SMARCA2: variants seen among roughly 807,000 people sequenced by gnomAD.
The protein encoded by SMARCA2 is SWI/SNF-related matrix-associated actin-dependent regulator of chromatin subfamily A member 2.
SMARCA2 carries 61 observed loss-of-function variants against 199.8 expected under a neutral mutation model. The ratio of observed to expected loss-of-function variants is 0.31; its 90% CI spans 0.25 to 0.38. SMARCA2 has a LOEUF of 0.38. Among genes scored for constraint, SMARCA2 ranks in the 10% least tolerant of loss-of-function variants. SMARCA2 has a pLI of 1.00. For synonymous variants in SMARCA2, 935 were observed against 732.0 expected (o/e 1.28, Z -4.48); for missense variants, 1,344 against 2,012.2 (o/e 0.67, Z 6.35).
rs118112220 is a variant in SMARCA2 at position 2,058,888 on chromosome 9, G to A, written c.1521+424G>A. Among the ~76,000 whole-genome samples the A allele has an allele frequency of 6.8e-3, 1,031 of 152,292 alleles. 4 individuals are homozygous for A. The highest frequency in any genetic ancestry group is 0.012 in the Non-Finnish European group (813 of 68,006). ...TGTCTTCAAATCTAAGAAGGTCTGTGTTTTGAAGCCTCTGGTGCTTATCTT... is the reference window on the plus strand; with the variant it reads ...TGTCTTCAAATCTAAGAAGGTCTGTATTTTGAAGCCTCTGGTGCTTATCTT... On this transcript the variant is annotated intron_variant, in intron 8 of 33. Transcript: ENST00000349721.
intron 31 of SMARCA2, among the ~76,000 whole-genome samples, chr9:2,184,778 G>A (rs1028305740): frequency 2.0e-5 from 3 of 151,962 alleles, no homozygotes; most frequent in Non-Finnish European, 2.9e-5. Context: ...CACCGCTGAA[G>A]GAATTCTTCT....
chr9:2,161,264 C>T lies in SMARCA2; in HGVS notation c.3982-422C>T, dbSNP rs923551367. 6.6e-6 allele frequency among the ~76,000 whole-genome samples: 1 copy of T among 152,104 alleles called. No homozygotes were observed. The highest frequency in any genetic ancestry group is 2.4e-5 in the African/African-American group (1 of 41,440). On this transcript the variant is annotated intron_variant, in intron 27 of 33. Transcript: ENST00000349721. The surrounding 1 kb of genome is among the most constrained non-coding windows in gnomAD (Gnocchi z 4.7). ...GCTTATATGATCGTGTGGATGTATTCTTAGGGATTGTTTTTTCATAACCCA... is the reference window on the plus strand; with the variant it reads ...GCTTATATGATCGTGTGGATGTATTTTTAGGGATTGTTTTTTCATAACCCA...
chr9:2,050,580 A>G (rs911559910), intron 5 of SMARCA2, among the ~76,000 whole-genome samples: 2 of 151,810 alleles, frequency 1.3e-5, no homozygotes, highest in African/African-American at 4.8e-5. Flanking sequence ...AAAGAGCGGT[A>G]TATCCTCTTT....
In SMARCA2 at chr9:2,115,706, T is replaced by TA. The variant is rs1217079984; in HGVS notation, c.3457-115dup. The TA allele has an allele frequency of 5.2e-6, 4 of 763,486 alleles. No homozygotes were observed. Among genetic ancestry groups the TA allele is most frequent in the Non-Finnish European group, 2.1e-6 (1 of 468,736 alleles). 47.3% of individuals were successfully genotyped at this position (763,486 alleles called of 1,614,324 possible). A position where few individuals can be genotyped will look rare whatever the true frequency, so the allele number is the denominator to read the frequency against. Reference sequence around the variant, plus strand: ...TGTTTTTAAAATGTAGGCAAAATCTTACCTTAGTGAAGGTGAAATACAGAA... The same window carrying TA: ...TGTTTTTAAAATGTAGGCAAAATCTTAACCTTAGTGAAGGTGAAATACAGAA... On this transcript the variant is annotated intron_variant, in intron 24 of 33. Coordinates refer to ENST00000349721, the MANE Select transcript of SMARCA2 (RefSeq NM_003070.5). This position sits in a 1 kb window ranked among gnomAD's most constrained non-coding sequence, Gnocchi z 6.0.
chr9:2,141,727 A>G (rs1291819019), intron 27 of SMARCA2, among the ~76,000 whole-genome samples: 3 of 152,146 alleles, frequency 2.0e-5, no homozygotes, highest in Non-Finnish European at 4.4e-5. Flanking sequence ...CATCCAAGCC[A>G]TCTATGCAAG....
chr9:2,124,932 G>A (rs1161172043), intron 27 of SMARCA2, among the ~76,000 whole-genome samples: 1 of 152,188 alleles, frequency 6.6e-6, no homozygotes, highest in African/African-American at 2.4e-5. Flanking sequence ...AATAGTAAGT[G>A]TAGTTGGGTA....
At chr9:2,124,006 C>T in intron 27 of SMARCA2, 69 bp downstream of exon 27, 8 of 1,285,416 alleles carry the variant, frequency 6.2e-6, no homozygotes, top group South Asian at 1.3e-5. Context: ...AAACCAGGGG[C>T]CTAGAGCTGG....
intron 29 of SMARCA2, among the ~76,000 whole-genome samples, chr9:2,180,062 A>G (rs1826908328): frequency 6.6e-6 from 1 of 152,216 alleles, no homozygotes; most frequent in Non-Finnish European, 1.5e-5. Flanking sequence ...AAGTTAGGGA[A>G]GGACGAACGC....
rs545102398 is a variant in SMARCA2 at position 2,139,895 on chromosome 9, T to A, written c.3981+15958T>A. On this transcript the variant is annotated intron_variant, in intron 27 of 33. Coordinates refer to ENST00000349721, the MANE Select transcript of SMARCA2 (RefSeq NM_003070.5). The stretch of plus-strand genomic sequence containing the variant: ...GCTTTCATTAGTTTTACAAAGGTTG[T>A]TTAGTTTTGGGAAGGGCTATTATCA... Among the ~76,000 whole-genome samples the A allele has an allele frequency of 9.2e-5, 14 of 152,318 alleles. 1 individual carries two copies. In the South Asian group the frequency reaches 2.9e-3, roughly 32 times the overall value.
Position 2,056,553 on chromosome 9 carries a change from A to G in SMARCA2, c.1174-119A>G. On this transcript the variant is annotated intron_variant, in intron 6 of 33. Transcript: ENST00000349721. This position sits in a 1 kb window ranked among gnomAD's most constrained non-coding sequence, Gnocchi z 4.0. The stretch of plus-strand genomic sequence containing the variant: ...ATTTAATACAAACCAAAGGTGATTG[A>G]GAAGCTTGTGGAGATTCCCCGCCCC... 1.2e-6 allele frequency: 1 copy of G among 818,164 alleles called. No individual in the cohort carries two copies. 50.7% of individuals were successfully genotyped at this position (818,164 alleles called of 1,614,324 possible).
chr9:2,174,929 A>ATCTC (rs1826467295), intron 29 of SMARCA2, among the ~76,000 whole-genome samples: 1 of 22,334 alleles, frequency 4.5e-5, no homozygotes, highest in Admixed American at 6.6e-4. Flanking sequence ...TCTCTCAAAA[A>ATCTC]AAAAAAAAAA....
intron 26 of SMARCA2, among the ~76,000 whole-genome samples, chr9:2,122,816 G>C (rs770079176): frequency 1.3e-5 from 2 of 152,174 alleles, no homozygotes; most frequent in Non-Finnish European, 2.9e-5. Context: ...GACACATCTC[G>C]CTAGTGTTTA....
intron 27 of SMARCA2, among the ~76,000 whole-genome samples, chr9:2,148,970 A>G (rs567785593): frequency 6.6e-6 from 1 of 151,766 alleles, no homozygotes; most frequent in African/African-American, 2.4e-5. Flanking sequence ...CAAAACGGCT[A>G]GTCCTGGCTT....
chr9:2,077,761 C>G lies in SMARCA2; in HGVS notation c.2169C>G (p.Thr723=), dbSNP rs762650134. The G allele has an allele frequency of 3.1e-6, 5 of 1,611,200 alleles. No individual in the cohort carries two copies. Among genetic ancestry groups the G allele is most frequent in the Middle Eastern group, 1.7e-4 (1 of 5,866 alleles). Residue 723 remains threonine (T), a synonymous_variant, in exon 14 of 34, where the codon ACC becomes ACG. Transcript: ENST00000349721. ...AGTCTGCCCTCCTAATTAATGGGAC[C>G]CTAAAGCATTACCAGGTAATTGGCA... ...EKQSALLING[T]LKHYQLQGLE...
At chr9:2,167,008 C>G (rs1014171953) in intron 28 of SMARCA2, among the ~76,000 whole-genome samples, 7 of 152,206 alleles carry the variant, frequency 4.6e-5, no homozygotes, top group African/African-American at 1.4e-4. Flanking sequence ...CCTGTGGCAT[C>G]TGAATAATTT....
In SMARCA2 at chr9:2,110,433, T is replaced by G. The variant is rs1431337704; in HGVS notation, c.3456+16T>G. ...TCCTCATCAGGTCTGCATGTCCCAC[T>G]CAGGTGCCCAGGCCTCCCTCTGGAG... On this transcript the variant is annotated intron_variant, in intron 24 of 33. Transcript: ENST00000349721. The surrounding 1 kb of genome is among the most constrained non-coding windows in gnomAD (Gnocchi z 4.8). 1.9e-6 allele frequency: 3 copies of G among 1,572,240 alleles called. No homozygotes were observed. The highest frequency in any genetic ancestry group is 1.9e-5 in the Admixed American group (1 of 51,544).
chr9:2,190,584 G>A lies in SMARCA2; in HGVS notation c.4595-682G>A, dbSNP rs1012263850. On this transcript the variant is annotated intron_variant, in intron 32 of 33. Coordinates refer to ENST00000349721, the MANE Select transcript of SMARCA2 (RefSeq NM_003070.5). ...TGTACGTGTGTATATATACTTACTT[G>A]AATTCTTTATATTCTATAGAGAGAC... 1.5e-4 allele frequency among the ~76,000 whole-genome samples: 23 copies of A among 151,966 alleles called. 1 individual carries two copies. Among genetic ancestry groups the A allele is most frequent in the Non-Finnish European group, 1.5e-5 (1 of 68,004 alleles).
intron 19 of SMARCA2, among the ~76,000 whole-genome samples, chr9:2,095,873 G>C (rs1822253537): frequency 6.6e-6 from 1 of 152,038 alleles, no homozygotes; most frequent in Admixed American, 6.6e-5. Flanking sequence ...TGTATTATTG[G>C]GATTCTTTAT....
chr9:2,072,508 G>A (rs940729839), intron 10 of SMARCA2, among the ~76,000 whole-genome samples: 7 of 148,150 alleles, frequency 4.7e-5, no homozygotes, highest in Non-Finnish European at 8.8e-5. Flanking sequence ...TTAGACCCCT[G>A]GGGGGTTAGT....
Sources: gnomAD v4.1 joint callset for allele counts (sites outside exome capture counted in the v4.1 genomes callset) on GRCh38, gnomAD v4.1.1 for gene constraint, Gnocchi (gnomAD v3.1) non-coding constraint, MANE v1.5 for transcripts, NCBI Gene and HGNC (gene_info 2026-07-23, HGNC 2026-07-21) for gene names.